Variants in EXOC6B observed in about 807,000 individuals in gnomAD.
The protein encoded by EXOC6B is SEC15 homolog B.
EXOC6B carries 54 observed loss-of-function variants against 113.5 expected under a neutral mutation model. That is an observed-to-expected ratio of 0.48 (90% CI 0.38 to 0.60). The LOEUF (loss-of-function observed/expected upper bound fraction) is 0.60, where lower values mean the gene tolerates loss of function less well. EXOC6B is among the 20% of genes least tolerant of loss of function. The pLI, the probability that EXOC6B is intolerant of heterozygous loss-of-function variation, is 0.00. For missense variants in EXOC6B, 797 were observed against 977.5 expected, an observed-to-expected ratio of 0.82 and a Z score of 2.46; for synonymous variants, 357 against 339.0, an observed-to-expected ratio of 1.05 and a Z score of -0.58.
chr2:72,496,417 A>G (rs1414315354), intron 14 of EXOC6B, 37 bp downstream of exon 14: 2 of 1,369,820 alleles, frequency 1.5e-6, no homozygotes, highest in African/African-American at 1.4e-5. Context: ...GAGGATGCCA[A>G]AACAACCAGA....
Position 72,333,562 on chromosome 2 carries a change from A to T in EXOC6B, c.2196+1385T>A, listed in dbSNP as rs369372110. ...ACCAAAATCCCAATCTTTCAATCTTACATCAGTCAAGGGATTAAAACCTGA... is the reference window on the plus strand; with the variant it reads ...ACCAAAATCCCAATCTTTCAATCTTTCATCAGTCAAGGGATTAAAACCTGA... On this transcript the variant is annotated intron_variant, in intron 20 of 21. Coordinates refer to ENST00000272427, the MANE Select transcript of EXOC6B (RefSeq NM_015189.3). 5.0e-4 allele frequency among the ~76,000 whole-genome samples: 76 copies of T among 152,262 alleles called. 3 individuals carry two copies. The South Asian group carries it at 0.015, about 31-fold the overall frequency.
chr2:72,764,542 T>A (rs987895410), intron 1 of EXOC6B, among the ~76,000 whole-genome samples: 2 of 151,968 alleles, frequency 1.3e-5, no homozygotes, highest in East Asian at 1.9e-4. Flanking sequence ...CTAATTTTTT[T>A]ATTTTTTGTA....
chr2:72,408,593 C>G lies in EXOC6B; in HGVS notation c.1981-28723G>C, dbSNP rs184117163. The stretch of plus-strand genomic sequence containing the variant: ...TACAACTATCTGATGTTTGACAAAC[C>G]TGACAAAAACAAGAAATGGGGGAAC... On this transcript the variant is annotated intron_variant, in intron 18 of 21. Transcript: ENST00000272427. Among the ~76,000 whole-genome samples, 226 of 152,194 alleles carry G rather than the reference C, an allele frequency of 1.5e-3. No individual in the cohort carries two copies. In the South Asian group the frequency reaches 0.018, roughly 12 times the overall value.
Position 72,499,971 on chromosome 2 carries a change from G to T in EXOC6B, c.1169C>A (p.Ser390Tyr). 1 of 1,542,078 alleles carries T rather than the reference G, an allele frequency of 6.5e-7. No homozygotes were observed. Among genetic ancestry groups the T allele is most frequent in the Non-Finnish European group, 8.8e-7 (1 of 1,139,434 alleles). The change falls in exon 12 of 22, where the codon TCT becomes TAT. Residue 390 changes from serine to tyrosine, a missense_variant and splice_region_variant. Ser to Tyr is a moderately radical substitution (Grantham distance 144). Transcript: ENST00000272427. Reference protein sequence around the residue: ...KTIAALRTHSSYCSDPNLVLD... With the variant: ...KTIAALRTHSYYCSDPNLVLD... ...CACAAGGTTTGGATCAGAACAGTAA[G>T]ACTAAAGTAAATAAAAGACAAAGGA...
At chr2:72,241,674 T>G (rs1211694743) in intron 20 of EXOC6B, among the ~76,000 whole-genome samples, 2 of 152,066 alleles carry the variant, frequency 1.3e-5, no homozygotes, top group Non-Finnish European at 2.9e-5. Context: ...ACATCTGACT[T>G]TTCTCAGAAA....
intron 1 of EXOC6B, among the ~76,000 whole-genome samples, chr2:72,801,292 T>A (rs988652622): frequency 6.6e-6 from 1 of 152,220 alleles, no homozygotes; most frequent in Admixed American, 6.5e-5. Context: ...CATACATAAA[T>A]ATTTTAGTAC....
chr2:72,288,360 T>C (rs899399163), intron 20 of EXOC6B, among the ~76,000 whole-genome samples: 56 of 152,026 alleles, frequency 3.7e-4, no homozygotes, highest in African/African-American at 1.3e-3. Context: ...CACTAAAAGA[T>C]ATATACAAGA....
chr2:72,302,559 T>A (rs1485342740), intron 20 of EXOC6B, among the ~76,000 whole-genome samples: 1 of 152,234 alleles, frequency 6.6e-6, no homozygotes, highest in Non-Finnish European at 1.5e-5. Flanking sequence ...CTTGTTGAAT[T>A]GAACCCTTTA....
chr2:72,577,666 T>C (rs552956189), intron 6 of EXOC6B, among the ~76,000 whole-genome samples: 14 of 151,552 alleles, frequency 9.2e-5, no homozygotes, highest in African/African-American at 2.7e-4. Flanking sequence ...TATAAATATA[T>C]AAATACATAT....
intron 6 of EXOC6B, among the ~76,000 whole-genome samples, chr2:72,583,511 A>G (rs1705353810): frequency 6.6e-6 from 1 of 152,210 alleles, no homozygotes; most frequent in South Asian, 2.1e-4. Context: ...TGAACTTCTC[A>G]GTAGAAATTT....
chr2:72,640,181 C>G (rs1251136511), intron 6 of EXOC6B, among the ~76,000 whole-genome samples: 1 of 152,106 alleles, frequency 6.6e-6, no homozygotes, highest in Non-Finnish European at 1.5e-5. Flanking sequence ...GGTAACTGAA[C>G]TCATAGAGCT....
chr2:72,344,750 G>A (rs1202375200), intron 19 of EXOC6B, among the ~76,000 whole-genome samples: 1 of 151,810 alleles, frequency 6.6e-6, no homozygotes, highest in African/African-American at 2.4e-5. Flanking sequence ...CTCCAATTAT[G>A]CAGTTGCTTT....
intron 19 of EXOC6B, among the ~76,000 whole-genome samples, chr2:72,341,496 G>A (rs1689031056): frequency 6.6e-6 from 1 of 151,850 alleles, no homozygotes; most frequent in African/African-American, 2.4e-5. Flanking sequence ...CACACTTTTT[G>A]GTAAAAATCT....
At chr2:72,196,048 A>G (rs1679146573) in intron 20 of EXOC6B, among the ~76,000 whole-genome samples, 1 of 152,214 alleles carries the variant, frequency 6.6e-6, no homozygotes, top group African/African-American at 2.4e-5. Context: ...ATAATTTATT[A>G]GTAAATTTTT....
intron 6 of EXOC6B, among the ~76,000 whole-genome samples, chr2:72,624,296 G>A (rs1020306462): frequency 6.6e-6 from 1 of 152,016 alleles, no homozygotes; most frequent in African/African-American, 2.4e-5. Flanking sequence ...CAGGGGTTTT[G>A]CTATATTGCC....
intron 6 of EXOC6B, among the ~76,000 whole-genome samples, chr2:72,708,436 T>A (rs1243419283): frequency 6.6e-6 from 1 of 152,196 alleles, no homozygotes; most frequent in Non-Finnish European, 1.5e-5. Flanking sequence ...GACAAATGCA[T>A]ACAGTTGTGC....
At chr2:72,576,820 T>C (rs1558811733) in intron 6 of EXOC6B, among the ~76,000 whole-genome samples, 1 of 152,144 alleles carries the variant, frequency 6.6e-6, no homozygotes, top group Non-Finnish European at 1.5e-5. Flanking sequence ...TTTCTTTTAA[T>C]GTAATATTTG....
intron 6 of EXOC6B, among the ~76,000 whole-genome samples, chr2:72,713,039 T>C (rs527690310): frequency 6.6e-6 from 1 of 152,340 alleles, no homozygotes; most frequent in African/African-American, 2.4e-5. Context: ...ACAAACAGTT[T>C]GAGATTATAA....
chr2:72,487,159 T>A (rs1315216684), intron 16 of EXOC6B, among the ~76,000 whole-genome samples: 1 of 152,232 alleles, frequency 6.6e-6, no homozygotes, highest in Non-Finnish European at 1.5e-5. Context: ...GGAACCAACA[T>A]AAACGCATTA....
Sources: allele counts gnomAD v4.1 joint callset (sites outside exome capture counted in the v4.1 genomes callset), GRCh38; gene constraint gnomAD v4.1.1; transcripts MANE v1.5; gene names NCBI Gene and HGNC (gene_info 2026-07-23, HGNC 2026-07-21).